Variants in OXR1 observed in about 807,000 individuals in gnomAD.
OXR1 encodes oxidation resistance 1.
Under a neutral mutation model 104.6 loss-of-function variants are expected in OXR1, and 41 were observed. That is an observed-to-expected ratio of 0.39 (90% confidence interval 0.31 to 0.51). OXR1 has a LOEUF of 0.51. Among genes scored for constraint, OXR1 ranks in the 20% least tolerant of loss-of-function variants. OXR1 has a pLI of 0.77. For missense variants in OXR1, 955 were observed against 1,031.9 expected (o/e 0.93, Z 1.02); for synonymous variants, 348 against 348.4 (o/e 1.00, Z 0.01).
At chr8:106,381,909 T>C (rs1372839641) in intron 2 of OXR1, among the ~76,000 whole-genome samples, 2 of 152,194 alleles carry the variant, frequency 1.3e-5, no homozygotes, top group African/African-American at 4.8e-5. Context: ...CATATAAAAG[T>C]GGGAAATGGT....
chr8:106,606,136 T>C (rs1047425573), intron 3 of OXR1, among the ~76,000 whole-genome samples: 2 of 152,158 alleles, frequency 1.3e-5, no homozygotes, highest in Non-Finnish European at 1.5e-5. Flanking sequence ...AGTAGGTCTG[T>C]GCTCCTTTCT....
Position 106,700,842 on chromosome 8 carries a change from C to G in OXR1, c.676-2064C>G, listed in dbSNP as rs1830524782. Among the ~76,000 whole-genome samples the G allele has an allele frequency of 2.0e-5, 3 of 151,852 alleles. No individual in the cohort carries two copies. The East Asian group carries it at 5.8e-4, about 29-fold the overall frequency. ...TGAAATTTATGAAATGGAGAGTAAC[C>G]TGAAGTGTTTCAGAGAATTTAGAGC... On this transcript the variant is annotated intron_variant, in intron 7 of 16. Coordinates refer to ENST00000517566, the MANE Select transcript of OXR1 (RefSeq NM_001198533.2).
intron 3 of OXR1, among the ~76,000 whole-genome samples, chr8:106,664,615 A>G (rs544206807): frequency 6.6e-6 from 1 of 152,366 alleles, no homozygotes; most frequent in Non-Finnish European, 1.5e-5. Context: ...TTAAGAGTAT[A>G]ATTTAAAATG....
chr8:106,388,756 G>A (rs767447236), intron 2 of OXR1, among the ~76,000 whole-genome samples: 1 of 152,138 alleles, frequency 6.6e-6, no homozygotes, highest in African/African-American at 2.4e-5. Context: ...AATAGCACAG[G>A]ACCTAAGAAA....
At chr8:106,517,506 GC>G (rs1391402273) in intron 2 of OXR1, among the ~76,000 whole-genome samples, 2 of 152,016 alleles carry the variant, frequency 1.3e-5, no homozygotes, top group East Asian at 1.9e-4. Flanking sequence ...AAAAATACAT[GC>G]CTTGAACTTC....
intron 3 of OXR1, among the ~76,000 whole-genome samples, chr8:106,632,573 C>T (rs1203614510): frequency 1.3e-5 from 2 of 152,036 alleles, no homozygotes; most frequent in Non-Finnish European, 2.9e-5. Context: ...TAATTTTGGT[C>T]CAGGCACTCA....
intron 1 of OXR1, among the ~76,000 whole-genome samples, chr8:106,355,099 C>A (rs930126147): frequency 6.6e-6 from 1 of 152,070 alleles, no homozygotes; most frequent in East Asian, 1.9e-4. Context: ...ACAATTGTGT[C>A]TATGCTTATA....
intron 1 of OXR1, among the ~76,000 whole-genome samples, chr8:106,313,279 C>G (rs1263097686): frequency 6.6e-6 from 1 of 152,070 alleles, no homozygotes; most frequent in Non-Finnish European, 1.5e-5. Context: ...ACTACACATT[C>G]AACTTTGGGA....
chr8:106,603,829 G>A (rs2130764700), intron 3 of OXR1, among the ~76,000 whole-genome samples: 1 of 152,140 alleles, frequency 6.6e-6, no homozygotes, highest in East Asian at 1.9e-4. Context: ...GAGGCGGGTG[G>A]ATCACTTGAG....
intron 2 of OXR1, among the ~76,000 whole-genome samples, chr8:106,378,939 C>T (rs879335246): frequency 6.6e-6 from 1 of 152,148 alleles, no homozygotes; most frequent in Non-Finnish European, 1.5e-5. Flanking sequence ...TTCAATCAAG[C>T]AATGCTTCTA....
intron 7 of OXR1, chr8:106,698,043 G>A (rs899356339): frequency 1.5e-5 from 22 of 1,517,164 alleles, no homozygotes; most frequent in Admixed American, 1.3e-4. Flanking sequence ...TGCGGGGAGC[G>A]TTCAAACGGG....
chr8:106,299,479 G>A (rs1402970086), intron 1 of OXR1, among the ~76,000 whole-genome samples: 1 of 152,140 alleles, frequency 6.6e-6, no homozygotes, highest in African/African-American at 2.4e-5. Flanking sequence ...GGTGTTGAAT[G>A]TGTTGTAGTT....
At chr8:106,666,545 GT>G (rs1348509714) in intron 3 of OXR1, among the ~76,000 whole-genome samples, 1 of 152,194 alleles carries the variant, frequency 6.6e-6, no homozygotes, top group East Asian at 1.9e-4. Context: ...AGATTTTGTA[GT>G]TGAGGAGAGA....
chr8:106,555,322 T>A (rs1353614588), intron 3 of OXR1, among the ~76,000 whole-genome samples: 2 of 152,184 alleles, frequency 1.3e-5, no homozygotes, highest in Non-Finnish European at 2.9e-5. Context: ...TCCAGGATCA[T>A]GAGCATTTTA....
At chr8:106,723,008 A>T (rs1289901414) in intron 11 of OXR1, among the ~76,000 whole-genome samples, 1 of 152,106 alleles carries the variant, frequency 6.6e-6, no homozygotes, top group Non-Finnish European at 1.5e-5. Context: ...TTCCCTGTTA[A>T]AAATATTCTT....
At chr8:106,539,482 A>C (rs1411640949) in intron 3 of OXR1, among the ~76,000 whole-genome samples, 1 of 152,210 alleles carries the variant, frequency 6.6e-6, no homozygotes, top group Non-Finnish European at 1.5e-5. Flanking sequence ...TAAATTATGA[A>C]CTGATAAAAT....
intron 6 of OXR1, among the ~76,000 whole-genome samples, chr8:106,686,244 A>G (rs907762716): frequency 1.3e-5 from 2 of 151,444 alleles, no homozygotes; most frequent in African/African-American, 4.9e-5. Flanking sequence ...TCCTGTAACC[A>G]GACACACCTG....
intron 3 of OXR1, among the ~76,000 whole-genome samples, chr8:106,539,408 T>C (rs1272201778): frequency 6.6e-6 from 1 of 152,230 alleles, no homozygotes; most frequent in Non-Finnish European, 1.5e-5. Context: ...GGGAATTGTG[T>C]GTGTCTGTGT....
intron 16 of OXR1, among the ~76,000 whole-genome samples, chr8:106,749,705 T>C (rs1244489407): frequency 1.3e-5 from 2 of 152,162 alleles, no homozygotes; most frequent in Admixed American, 6.5e-5. Flanking sequence ...TGACTTGATA[T>C]ATTACTTTAG....
Sources: gnomAD v4.1 joint callset for allele counts (sites outside exome capture counted in the v4.1 genomes callset) on GRCh38, gnomAD v4.1.1 for gene constraint, MANE v1.5 for transcripts, NCBI Gene and HGNC (gene_info 2026-07-23, HGNC 2026-07-21) for gene names.